The following KANK4 variants were observed in gnomAD, a reference collection of about 807,000 sequenced individuals.
The protein encoded by KANK4 is KN motif and ankyrin repeat domains 4, also known as KN motif and ankyrin repeat domain-containing protein 4.
A neutral mutation model predicts 80.8 loss-of-function variants in KANK4; 50 were observed. The ratio of observed to expected loss-of-function variants is 0.62; its 90% confidence interval spans 0.49 to 0.78. The LOEUF is 0.78. KANK4 is among the 30% of genes least tolerant of loss of function. KANK4 has a pLI of 0.00. For synonymous variants in KANK4, 465 were observed against 506.9 expected (o/e 0.92, Z 1.11); for missense variants, 1,196 against 1,240.1 (o/e 0.96, Z 0.53).
At chr1:62,285,345 C>T (rs1672540461) in intron 1 of KANK4, among the ~76,000 whole-genome samples, 1 of 152,174 alleles carries the variant, frequency 6.6e-6, no homozygotes, top group Non-Finnish European at 1.5e-5. Flanking sequence ...CTGGGTCCAC[C>T]CTCAGTGCCC....
At chr1:62,295,232 G>A (rs935639957) in intron 1 of KANK4, among the ~76,000 whole-genome samples, 2 of 151,964 alleles carry the variant, frequency 1.3e-5, no homozygotes, top group African/African-American at 2.4e-5. Flanking sequence ...TTCACCTCCC[G>A]GGTTCAAGCG....
At chr1:62,281,301 A>C (rs1352073934) in intron 2 of KANK4, among the ~76,000 whole-genome samples, 1 of 152,214 alleles carries the variant, frequency 6.6e-6, no homozygotes, top group African/African-American at 2.4e-5. Flanking sequence ...AGGATTGAGG[A>C]TCAAAGACAT....
At chr1:62,297,476 A>C (rs1644376213) in intron 1 of KANK4, among the ~76,000 whole-genome samples, 1 of 152,156 alleles carries the variant, frequency 6.6e-6, no homozygotes, top group Non-Finnish European at 1.5e-5. Context: ...CCAGAGACCG[A>C]GCTCTTAACA....
At position 62,236,741 on chromosome 1, in the gene KANK4, C is replaced by T. The variant is rs1036487063; in HGVS notation, c.*1536G>A. ...TCCCAAGTAGCTGGAATTACAGGCG[C>T]CTGCCACCACGCCCCAGCTAATTTT... On this transcript the variant is annotated 3_prime_UTR_variant, in exon 10 of 10. Coordinates refer to ENST00000371153, the MANE Select transcript of KANK4 (RefSeq NM_181712.5). Among the ~76,000 whole-genome samples the T allele has an allele frequency of 6.6e-6, 1 of 151,828 alleles. No homozygotes were observed. Among genetic ancestry groups the T allele is most frequent in the Non-Finnish European group, 1.5e-5 (1 of 67,970 alleles).
chr1:62,264,406 C>T (rs1214078626), intron 6 of KANK4, among the ~76,000 whole-genome samples: 1 of 151,952 alleles, frequency 6.6e-6, no homozygotes, highest in Non-Finnish European at 1.5e-5. Flanking sequence ...AGCGAAACTC[C>T]GTCTCAAATT....
chr1:62,298,576 T>C (rs946323818), intron 1 of KANK4, among the ~76,000 whole-genome samples: 7 of 152,188 alleles, frequency 4.6e-5, no homozygotes, highest in African/African-American at 1.7e-4. Context: ...TCAACAGCCC[T>C]AATCATGATT....
chr1:62,295,521 C>A (rs1442086644), intron 1 of KANK4, among the ~76,000 whole-genome samples: 1 of 152,180 alleles, frequency 6.6e-6, no homozygotes, highest in Non-Finnish European at 1.5e-5. Context: ...CCCTTTTGTG[C>A]TCCTGGGTAT....
At position 62,238,248 on chromosome 1, in the gene KANK4, G is replaced by GT. The variant is rs555909206; in HGVS notation, c.*28dup. ...GAGGAGTCCAGAGAAGAAGGCTTTT[G>GT]TTCCCCACGGCCAGTTCTTCTGCAG... On this transcript the variant is annotated 3_prime_UTR_variant, in exon 10 of 10. Transcript: ENST00000371153. 2.1e-4 allele frequency: 323 copies of GT among 1,543,600 alleles called. 1 individual carries two copies. In the African/African-American group the frequency reaches 3.9e-3, roughly 19 times the overall value.
chr1:62,283,585 G>C (rs1557496699), intron 1 of KANK4, among the ~76,000 whole-genome samples: 1 of 152,140 alleles, frequency 6.6e-6, no homozygotes, highest in Non-Finnish European at 1.5e-5. Context: ...GCTTCTGACT[G>C]GTGCTTCTCT....
intron 6 of KANK4, among the ~76,000 whole-genome samples, chr1:62,263,823 C>A (rs554477783): frequency 3.7e-4 from 57 of 152,290 alleles, no homozygotes; most frequent in Admixed American, 1.2e-3. Context: ...GAAATAAAAC[C>A]CAAACAGGTG....
At chr1:62,278,705 AT>A (rs920614650) in intron 2 of KANK4, among the ~76,000 whole-genome samples, 52 of 151,184 alleles carry the variant, frequency 3.4e-4, no homozygotes, top group African/African-American at 8.5e-4. Context: ...GACCCACACA[AT>A]TTTTTTTTAA....
chr1:62,263,427 G>A, intron 6 of KANK4, 116 bp from the exon 7 acceptor site: 1 of 818,800 alleles, frequency 1.2e-6, no homozygotes. Flanking sequence ...AGCTTGCCAT[G>A]TGATTTATTC....
chr1:62,280,257 G>A (rs1430595414), intron 2 of KANK4, among the ~76,000 whole-genome samples: 2 of 152,220 alleles, frequency 1.3e-5, no homozygotes, highest in Admixed American at 1.3e-4. Context: ...GCTTGTCCCT[G>A]TTCTGGGAGG....
At chr1:62,260,104 C>T (rs1332182501) in intron 7 of KANK4, among the ~76,000 whole-genome samples, 1 of 152,200 alleles carries the variant, frequency 6.6e-6, no homozygotes, top group African/African-American at 2.4e-5. Flanking sequence ...CTCTCCTCAA[C>T]ATCTCTCTGC....
At chr1:62,303,203 T>C (rs2149168058) in intron 1 of KANK4, among the ~76,000 whole-genome samples, 1 of 151,536 alleles carries the variant, frequency 6.6e-6, no homozygotes, top group East Asian at 1.9e-4. Context: ...AAGTAGCAGA[T>C]GAAGTCAAAG....
At chr1:62,313,356 CTGT>C (rs1229089312) in intron 1 of KANK4, among the ~76,000 whole-genome samples, 1 of 152,146 alleles carries the variant, frequency 6.6e-6, no homozygotes, top group Non-Finnish European at 1.5e-5. Flanking sequence ...AAGGGAGTCT[CTGT>C]TTTCTGTGTT....
intron 2 of KANK4, 57 bp from the exon 3 acceptor site, chr1:62,275,144 G>A: frequency 7.7e-7 from 1 of 1,298,962 alleles, no homozygotes; most frequent in Non-Finnish European, 1.1e-6. Context: ...AAGCATTACA[G>A]GGCGATGAGG....
At chr1:62,283,747 T>C (rs1672501790) in intron 1 of KANK4, among the ~76,000 whole-genome samples, 1 of 152,228 alleles carries the variant, frequency 6.6e-6, no homozygotes, top group Non-Finnish European at 1.5e-5. Context: ...GCTGGACTTT[T>C]GGCTTCACAA....
rs1557472390 is a variant in KANK4 at position 62,253,066 on chromosome 1, C to T, written c.2682+1G>A. On this transcript the variant is annotated splice_donor_variant, in intron 8 of 9. Transcript: ENST00000371153. LOFTEE classifies it high-confidence loss of function. ...GAGGAGATCCTGTTCATTCCACCCA[C>T]CTGAGTAGCTTGAATGTTCACATTT... 1 of 1,613,754 alleles carries T rather than the reference C, an allele frequency of 6.2e-7. No individual in the cohort carries two copies. Among genetic ancestry groups the T allele is most frequent in the Non-Finnish European group, 8.5e-7 (1 of 1,179,884 alleles).
Sources: allele counts gnomAD v4.1 joint callset (sites outside exome capture counted in the v4.1 genomes callset), GRCh38; gene constraint gnomAD v4.1.1; transcripts MANE v1.5; gene names NCBI Gene and HGNC (gene_info 2026-07-23, HGNC 2026-07-21).